CCDC81: variants seen among roughly 807,000 people sequenced by gnomAD.
The protein encoded by CCDC81 is coiled-coil domain-containing protein 81.
Under a neutral mutation model 83.7 loss-of-function variants are expected in CCDC81, and 79 were observed. The observed-to-expected ratio is 0.94, with a 90% confidence interval of 0.79 to 1.14. The LOEUF is 1.14. Among genes scored for constraint, CCDC81 ranks in the 50% most tolerant of loss-of-function variants. The probability of loss-of-function intolerance (pLI) is 0.00; values close to 1 mark genes in which losing one functional copy is unlikely to be tolerated. For synonymous variants in CCDC81, 252 were observed against 278.1 expected (o/e 0.91, Z 0.93); for missense variants, 791 against 778.1 (o/e 1.02, Z -0.20).
At chr11:86,386,594 G>A (rs1405479733) in intron 2 of CCDC81, among the ~76,000 whole-genome samples, 1 of 152,158 alleles carries the variant, frequency 6.6e-6, no homozygotes, top group East Asian at 1.9e-4. Context: ...CCATAGAACT[G>A]GACAGAGATT....
rs376356747 is a variant in CCDC81 at position 86,397,751 on chromosome 11, A to G, written c.757+9A>G. 35 of 1,610,420 alleles carry G rather than the reference A, an allele frequency of 2.2e-5. No homozygotes were observed. Among genetic ancestry groups the G allele is most frequent in the Non-Finnish European group, 2.9e-5 (34 of 1,178,494 alleles). ...AGAAGAAGGCACCAGAGGTAGGCCAATGATTTCTGGGTCCAATCTGTCACT... is the reference window on the plus strand; with the variant it reads ...AGAAGAAGGCACCAGAGGTAGGCCAGTGATTTCTGGGTCCAATCTGTCACT... On this transcript the variant is annotated intron_variant, in intron 6 of 14. Transcript: ENST00000445632.
At chr11:86,420,816 A>G (rs1156614113) in intron 14 of CCDC81, among the ~76,000 whole-genome samples, 2 of 152,210 alleles carry the variant, frequency 1.3e-5, no homozygotes, top group Non-Finnish European at 2.9e-5. Context: ...ATATTTTGTG[A>G]CAATGAAAGT....
At chr11:86,395,911 C>G (rs886468678) in intron 5 of CCDC81, among the ~76,000 whole-genome samples, 2 of 152,182 alleles carry the variant, frequency 1.3e-5, no homozygotes, top group African/African-American at 4.8e-5. Context: ...GCGTGAGCCA[C>G]CAGGCCTGGC....
At chr11:86,382,865 G>A (rs73517929) in intron 1 of CCDC81, among the ~76,000 whole-genome samples, 6,144 of 152,110 alleles carry the variant, frequency 0.04, 208 homozygotes, top group African/African-American at 0.089. Context: ...GGGAGGGAGT[G>A]ATCAATAGTG....
At chr11:86,385,761 A>G (rs1005937844) in intron 1 of CCDC81, among the ~76,000 whole-genome samples, 8 of 152,322 alleles carry the variant, frequency 5.3e-5, no homozygotes, top group Admixed American at 3.3e-4. Context: ...TCTTTACAGA[A>G]TAAAGAAAAG....
Position 86,422,766 on chromosome 11 carries a change from T to G in CCDC81, c.*51T>G. 1 of 1,547,922 alleles carries G rather than the reference T, an allele frequency of 6.5e-7. No individual in the cohort carries two copies. Among genetic ancestry groups the G allele is most frequent in the Non-Finnish European group, 8.8e-7 (1 of 1,134,788 alleles). On this transcript the variant is annotated 3_prime_UTR_variant, in exon 15 of 15. Transcript: ENST00000445632. The stretch of plus-strand genomic sequence containing the variant: ...CCGGGGAAAGTTTTTATCTTTTACA[T>G]GTTTGGGGGTGATTGTGAAACTGCG...
intron 7 of CCDC81, among the ~76,000 whole-genome samples, chr11:86,404,959 A>T (rs1456733738): frequency 6.6e-6 from 1 of 152,182 alleles, no homozygotes; most frequent in Non-Finnish European, 1.5e-5. Context: ...CTTCTTTTCT[A>T]GCTTGAGTAC....
intron 1 of CCDC81, among the ~76,000 whole-genome samples, chr11:86,383,003 A>G (rs1047313103): frequency 1.2e-4 from 18 of 152,238 alleles, no homozygotes; most frequent in African/African-American, 4.1e-4. Context: ...CAAATTATCT[A>G]TTGCAACAAG....
At chr11:86,388,801 A>G (rs1010462567) in intron 3 of CCDC81, among the ~76,000 whole-genome samples, 1 of 147,608 alleles carries the variant, frequency 6.8e-6, no homozygotes, top group African/African-American at 2.4e-5. Flanking sequence ...TCAAAAACCT[A>G]TTAAAGAAAA....
intron 13 of CCDC81, chr11:86,419,037 T>C (rs1342558163): frequency 1.3e-5 from 2 of 152,210 alleles, no homozygotes; most frequent in African/African-American, 4.8e-5. Context: ...GCTTGTTAGA[T>C]GAAAAGGTGT....
At chr11:86,391,045 C>G (rs1434376906) in intron 3 of CCDC81, among the ~76,000 whole-genome samples, 4 of 152,062 alleles carry the variant, frequency 2.6e-5, no homozygotes, top group Non-Finnish European at 5.9e-5. Flanking sequence ...GGAGGGAAGC[C>G]AGCAAAGGGG....
chr11:86,385,317 G>A (rs184408197), intron 1 of CCDC81, among the ~76,000 whole-genome samples: 66 of 152,170 alleles, frequency 4.3e-4, no homozygotes, highest in African/African-American at 1.5e-3. Flanking sequence ...CCCGGGAGGC[G>A]GAGGTTGCAG....
intron 1 of CCDC81, among the ~76,000 whole-genome samples, chr11:86,378,855 T>C (rs114010181): frequency 1.2e-3 from 184 of 152,324 alleles, no homozygotes; most frequent in African/African-American, 4.1e-3. Context: ...TATATGTTTT[T>C]AGATTTAGAT....
At chr11:86,420,938 G>C (rs1948780519) in intron 14 of CCDC81, among the ~76,000 whole-genome samples, 1 of 152,186 alleles carries the variant, frequency 6.6e-6, no homozygotes, top group African/African-American at 2.4e-5. Context: ...GATTTGGGAA[G>C]GCAGGTAAAA....
chr11:86,396,749 G>A (rs993927786), intron 5 of CCDC81, among the ~76,000 whole-genome samples: 5 of 152,302 alleles, frequency 3.3e-5, no homozygotes, highest in African/African-American at 7.2e-5. Context: ...TCCTGGTCCA[G>A]TGTTCTTTCC....
rs975462208 is a variant in CCDC81, at chr11:86,400,587, C to A, written c.758-91C>A. The A allele has an allele frequency of 2.4e-6, 3 of 1,259,716 alleles. 1 individual carries two copies. In the South Asian group the frequency reaches 4.7e-5, roughly 20 times the overall value. 78.0% of individuals were successfully genotyped at this position (1,259,716 alleles called of 1,614,324 possible). ...ATTATTTAAAGATAAGAGAGTGTAT[C>A]TTATATGAAAATTTCCCTTGGTAAA... On this transcript the variant is annotated intron_variant, in intron 6 of 14. Transcript: ENST00000445632.
At chr11:86,387,222 G>T (rs754029495) in intron 2 of CCDC81, among the ~76,000 whole-genome samples, 1 of 152,100 alleles carries the variant, frequency 6.6e-6, no homozygotes, top group Non-Finnish European at 1.5e-5. Flanking sequence ...GAGTAATCTG[G>T]GTTAAAGATT....
In CCDC81 at chr11:86,395,335, G is replaced by T. The variant is rs199619761; in HGVS notation, c.557G>T (p.Arg186Met). The T allele has an allele frequency of 6.2e-7, 1 of 1,613,948 alleles. No individual in the cohort carries two copies. Among genetic ancestry groups the T allele is most frequent in the East Asian group, 2.2e-5 (1 of 44,878 alleles). ...SGALAKALAN[R>M]PGTVDSVLSS... The stretch of plus-strand genomic sequence containing the variant: ...CCTTGCTCTGTTGCTGTCCTCTAGA[G>T]GCCTGGCACTGTGGACTCGGTGTTG... The change falls in exon 5 of 15, where the codon AGG becomes ATG. Residue 186 changes from arginine (R) to methionine (M), a missense_variant and splice_region_variant. Transcript: ENST00000445632.
At chr11:86,395,186 A>T in intron 4 of CCDC81, 148 bp from the exon 5 acceptor site, 1 of 567,204 alleles carries the variant, frequency 1.8e-6, no homozygotes, top group South Asian at 2.6e-5. Context: ...TCCTCATTGG[A>T]TTTTTAAGCT....
Sources: allele counts gnomAD v4.1 joint callset (sites outside exome capture counted in the v4.1 genomes callset), GRCh38; gene constraint gnomAD v4.1.1; transcripts MANE v1.5; gene names NCBI Gene and HGNC (gene_info 2026-07-23, HGNC 2026-07-21).